Variants in EXOC6 observed in about 807,000 individuals in gnomAD.
EXOC6 encodes the protein SEC15-like 1.
Under a neutral mutation model 112.5 loss-of-function variants are expected in EXOC6, and 60 were observed. The ratio of observed to expected loss-of-function variants is 0.53; its 90% CI spans 0.43 to 0.66. The LOEUF (loss-of-function observed/expected upper bound fraction) is 0.66. EXOC6 is among the 30% of genes least tolerant of loss of function. The pLI, the probability that EXOC6 is intolerant of heterozygous loss-of-function variation, is 0.00. For missense variants in EXOC6, 855 were observed against 957.1 expected, an observed-to-expected ratio of 0.89 and a Z score of 1.41; for synonymous variants, 295 against 308.0, an observed-to-expected ratio of 0.96 and a Z score of 0.44.
intron 20 of EXOC6, among the ~76,000 whole-genome samples, chr10:93,015,817 T>C (rs947101019): frequency 1.3e-5 from 2 of 152,222 alleles, no homozygotes; most frequent in Non-Finnish European, 2.9e-5. Flanking sequence ...AAAGCCATTC[T>C]TATCTCCAAA....
At position 92,934,371 on chromosome 10, in the gene EXOC6, A is replaced by T; in HGVS notation, c.1081A>T (p.Thr361Ser). The T allele has an allele frequency of 6.2e-7, 1 of 1,605,428 alleles. No individual in the cohort carries two copies. The highest frequency in any genetic ancestry group is 8.5e-7 in the Non-Finnish European group (1 of 1,176,502). The change falls in exon 11 of 22, where the codon ACT becomes TCT. Residue 361 changes from threonine to serine, a missense_variant. By Grantham distance (58) the Thr-to-Ser change is moderately conservative. This residue lies in a region of EXOC6 where 450 missense variants were observed against 563.5 expected (regional missense o/e 0.80). Coordinates refer to ENST00000260762, the MANE Select transcript of EXOC6 (RefSeq NM_019053.6). ...CCAAGGATTAGTAACCAGGGCATAC[A>T]CTGATGAACTTTGGAACATGGCCCT... Reference protein sequence around the residue: ...VTQGLVTRAYTDELWNMALSK... With the variant: ...VTQGLVTRAYSDELWNMALSK...
At chr10:92,826,993 C>T (rs1846396454) in intron 1 of EXOC6, among the ~76,000 whole-genome samples, 1 of 152,088 alleles carries the variant, frequency 6.6e-6, no homozygotes, top group Admixed American at 6.6e-5. Flanking sequence ...GAGGGAGAGG[C>T]AGAACATGGA....
intron 19 of EXOC6, chr10:92,999,150 G>A (rs888597129): frequency 9.9e-5 from 37 of 371,896 alleles, no homozygotes; most frequent in African/African-American, 6.4e-4. Flanking sequence ...GGGATTATAG[G>A]CATGAGCTAC....
At chr10:92,843,187 G>A (rs1199924643) in intron 1 of EXOC6, among the ~76,000 whole-genome samples, 1 of 152,166 alleles carries the variant, frequency 6.6e-6, no homozygotes, top group African/African-American at 2.4e-5. Context: ...TTATGGAACA[G>A]CCGATTCCTG....
chr10:92,838,841 A>G (rs2490738), intron 1 of EXOC6, among the ~76,000 whole-genome samples: 150,700 of 152,314 alleles, frequency 0.99, 74,576 homozygotes, highest in Middle Eastern at 1. Context: ...TTGGGAGGCT[A>G]AGGCCAGCTC....
In EXOC6 at chr10:92,867,319, C is replaced by T. The variant is rs142110962; in HGVS notation, c.101+18685C>T. Among the ~76,000 whole-genome samples the T allele has an allele frequency of 1.6e-4, 25 of 152,248 alleles. No individual in the cohort carries two copies. The East Asian group carries it at 4.8e-3, about 29-fold the overall frequency. Reference sequence around the variant, plus strand: ...GTAAATGATCATAAAATCGAATTCTCAATCATTGCTGCCATTTAGGGGTGA... The same window carrying T: ...GTAAATGATCATAAAATCGAATTCTTAATCATTGCTGCCATTTAGGGGTGA... On this transcript the variant is annotated intron_variant, in intron 1 of 21. Transcript: ENST00000260762.
upstream of EXOC6, among the ~76,000 whole-genome samples, chr10:92,844,809 T>C (rs1294306899): frequency 1.3e-5 from 2 of 152,172 alleles, no homozygotes; most frequent in Non-Finnish European, 2.9e-5. Context: ...TTGTCCTTAA[T>C]TCACACTTGA....
chr10:92,918,624 G>A (rs867401359), intron 7 of EXOC6, among the ~76,000 whole-genome samples: 3 of 152,004 alleles, frequency 2.0e-5, no homozygotes, highest in Non-Finnish European at 2.9e-5. Context: ...GGGAACTGCC[G>A]TGTTGTCCAG....
intron 18 of EXOC6, chr10:92,987,698 C>G (rs1303210481): frequency 2.4e-6 from 2 of 848,072 alleles, no homozygotes. Context: ...GAATTTCCTG[C>G]AGGCTTATTT....
chr10:92,897,048 C>T (rs1368905493), intron 4 of EXOC6, among the ~76,000 whole-genome samples: 1 of 152,104 alleles, frequency 6.6e-6, no homozygotes, highest in Non-Finnish European at 1.5e-5. Flanking sequence ...TCTTTGCCAC[C>T]GTCAGGTGCA....
intron 17 of EXOC6, among the ~76,000 whole-genome samples, chr10:92,964,124 G>A (rs1854170352): frequency 6.6e-6 from 1 of 151,066 alleles, no homozygotes; most frequent in Admixed American, 6.6e-5. Context: ...TTTATTTTTT[G>A]GTTGATTTTT....
chr10:92,912,603 A>G (rs1850850433), intron 6 of EXOC6, among the ~76,000 whole-genome samples: 1 of 152,202 alleles, frequency 6.6e-6, no homozygotes, highest in South Asian at 2.1e-4. Flanking sequence ...AAAATTTACA[A>G]TACAGTGTGT....
intron 20 of EXOC6, among the ~76,000 whole-genome samples, chr10:93,042,491 C>T (rs1845826109): frequency 6.6e-6 from 1 of 152,190 alleles, no homozygotes; most frequent in African/African-American, 2.4e-5. Flanking sequence ...TAGTGCTTGT[C>T]ACATGTGAAC....
intron 1 of EXOC6, among the ~76,000 whole-genome samples, chr10:92,860,776 A>G (rs1847875333): frequency 6.6e-6 from 1 of 152,196 alleles, no homozygotes; most frequent in Non-Finnish European, 1.5e-5. Flanking sequence ...ATTGTAGCAC[A>G]TGTCATACTT....
chr10:92,911,346 T>G (rs1850751823), intron 6 of EXOC6, among the ~76,000 whole-genome samples: 1 of 152,208 alleles, frequency 6.6e-6, no homozygotes, highest in Non-Finnish European at 1.5e-5. Flanking sequence ...ATTACAGTGT[T>G]TTCAATACTA....
At chr10:92,879,482 A>C (rs1329316926) in intron 1 of EXOC6, among the ~76,000 whole-genome samples, 1 of 152,186 alleles carries the variant, frequency 6.6e-6, no homozygotes, top group African/African-American at 2.4e-5. Flanking sequence ...GAGAAAAAAA[A>C]GCTCATAGGT....
At chr10:93,002,542 C>T (rs1843802333) in intron 19 of EXOC6, among the ~76,000 whole-genome samples, 1 of 152,170 alleles carries the variant, frequency 6.6e-6, no homozygotes, top group Admixed American at 6.5e-5. Context: ...TGAATAGACC[C>T]TCCAGTTGAT....
intron 18 of EXOC6, chr10:92,987,772 G>C (rs778462625): frequency 3.1e-6 from 1 of 322,566 alleles, no homozygotes; most frequent in Non-Finnish European, 4.5e-6. Flanking sequence ...TAAATTTTTA[G>C]TTTTGTGGAA....
chr10:92,862,970 C>G (rs1231282253), intron 1 of EXOC6, among the ~76,000 whole-genome samples: 1 of 152,170 alleles, frequency 6.6e-6, no homozygotes, highest in Non-Finnish European at 1.5e-5. Flanking sequence ...TTGGAGTGCA[C>G]AAGTCTCTGA....
Sources: allele counts gnomAD v4.1 joint callset (sites outside exome capture counted in the v4.1 genomes callset), GRCh38; gene constraint gnomAD v4.1.1; regional missense constraint gnomAD v4.1.1; transcripts MANE v1.5; gene names NCBI Gene and HGNC (gene_info 2026-07-23, HGNC 2026-07-21).